The following PAMR1 variants were observed in gnomAD, a reference collection of about 807,000 sequenced individuals.
PAMR1 encodes peptidase domain containing associated with muscle regeneration 1, also known as inactive serine protease PAMR1.
PAMR1 carries 88 observed loss-of-function variants against 81.8 expected under a neutral mutation model. The observed-to-expected ratio is 1.08, with a 90% CI of 0.91 to 1.28. The LOEUF is 1.28. PAMR1 is among the 50% of genes most tolerant of loss of function. The pLI, the probability that PAMR1 is intolerant of heterozygous loss-of-function variation, is 0.00. For missense variants in PAMR1, 935 were observed against 919.7 expected, an observed-to-expected ratio of 1.02 and a Z score of -0.21; for synonymous variants, 336 against 345.3, an observed-to-expected ratio of 0.97 and a Z score of 0.30.
At chr11:35,473,168 A>G (rs1030841192) in intron 4 of PAMR1, among the ~76,000 whole-genome samples, 4 of 152,154 alleles carry the variant, frequency 2.6e-5, no homozygotes, top group Non-Finnish European at 5.9e-5. Context: ...CATCAGGGAC[A>G]CCTGCTGGGC....
chr11:35,443,404 C>G (rs1856220926), intron 6 of PAMR1, among the ~76,000 whole-genome samples: 1 of 152,142 alleles, frequency 6.6e-6, no homozygotes, highest in Non-Finnish European at 1.5e-5. Flanking sequence ...ATTCCCCTCC[C>G]TGTGTCCATG....
chr11:35,459,274 G>T (rs547417230), intron 6 of PAMR1, among the ~76,000 whole-genome samples: 1 of 152,208 alleles, frequency 6.6e-6, no homozygotes, highest in African/African-American at 2.4e-5. Context: ...GTGCCTAAGA[G>T]ACAGGTCAAC....
Position 35,439,646 on chromosome 11 carries a change from G to C in PAMR1, c.1081C>G (p.Pro361Ala), listed in dbSNP as rs1439382529. Residue 361 changes from proline to alanine, a missense_variant, in exon 8 of 11, where the codon CCG becomes GCG. Coordinates refer to ENST00000619888, the MANE Select transcript of PAMR1 (RefSeq NM_001001991.3). Reference sequence around the variant, plus strand: ...CCTCACCTTGACTGAACCTGCATCGGAAGAACTCTCCTTCTCACCAGGTCT... The same window carrying C: ...CCTCACCTTGACTGAACCTGCATCGCAAGAACTCTCCTTCTCACCAGGTCT... Reference protein sequence around the residue: ...ISDLVRRRVLPMQVQSRETPL... With the variant: ...ISDLVRRRVLAMQVQSRETPL... 1 of 1,613,878 alleles carries C rather than the reference G, an allele frequency of 6.2e-7. No homozygotes were observed. The highest frequency in any genetic ancestry group is 8.5e-7 in the Non-Finnish European group (1 of 1,179,852).
At chr11:35,437,745 C>A (rs1206625962) in intron 8 of PAMR1, among the ~76,000 whole-genome samples, 1 of 152,212 alleles carries the variant, frequency 6.6e-6, no homozygotes, top group Non-Finnish European at 1.5e-5. Flanking sequence ...AATAGGAAGC[C>A]CAGTAGTCTT....
chr11:35,436,799 A>C (rs1386967273), intron 8 of PAMR1, among the ~76,000 whole-genome samples: 1 of 152,242 alleles, frequency 6.6e-6, no homozygotes, highest in Non-Finnish European at 1.5e-5. Flanking sequence ...AACCAAAGAC[A>C]ATAATACCTG....
chr11:35,525,098 C>T (rs977685060), intron 1 of PAMR1, among the ~76,000 whole-genome samples: 1 of 152,142 alleles, frequency 6.6e-6, no homozygotes, highest in Non-Finnish European at 1.5e-5. Context: ...CTTTCTTTCC[C>T]TCTCTTCTTT....
chr11:35,479,844 T>C (rs1267514317), intron 3 of PAMR1, among the ~76,000 whole-genome samples: 2 of 152,344 alleles, frequency 1.3e-5, no homozygotes, highest in Admixed American at 1.3e-4. Context: ...TGTCTTCATC[T>C]GTCACATGGC....
At chr11:35,515,307 G>A (rs1302824145) in intron 1 of PAMR1, among the ~76,000 whole-genome samples, 6 of 152,288 alleles carry the variant, frequency 3.9e-5, no homozygotes, top group East Asian at 1.9e-4. Context: ...ATTCCCCTAT[G>A]TGAAGCAGAA....
chr11:35,494,954 T>G (rs957975037), intron 1 of PAMR1, among the ~76,000 whole-genome samples: 1 of 152,230 alleles, frequency 6.6e-6, no homozygotes, highest in Non-Finnish European at 1.5e-5. Flanking sequence ...CTATGCTTAT[T>G]TATATTTTTG....
intron 1 of PAMR1, among the ~76,000 whole-genome samples, chr11:35,523,678 G>A (rs1191040914): frequency 1.3e-5 from 2 of 152,238 alleles, no homozygotes; most frequent in Non-Finnish European, 2.9e-5. Context: ...CCAGCAGGGA[G>A]TGGACTTCCT....
intron 2 of PAMR1, among the ~76,000 whole-genome samples, chr11:35,492,706 G>A (rs953698606): frequency 2.6e-5 from 4 of 151,932 alleles, no homozygotes; most frequent in Non-Finnish European, 2.9e-5. Context: ...ATATACTTCC[G>A]TAATGAAAGC....
At chr11:35,474,489 C>T (rs1361163359) in intron 4 of PAMR1, 141 bp downstream of exon 4, 2 of 529,938 alleles carry the variant, frequency 3.8e-6, no homozygotes, top group Non-Finnish European at 6.6e-6. Flanking sequence ...TCAGCCAGGC[C>T]TTATCCCAGA....
chr11:35,518,493 GT>G (rs1440366273), intron 1 of PAMR1, among the ~76,000 whole-genome samples: 5 of 151,358 alleles, frequency 3.3e-5, no homozygotes, highest in African/African-American at 1.2e-4. Flanking sequence ...AGAGATCAGA[GT>G]TTTCCAAGCT....
At chr11:35,500,513 T>A (rs751442248) in intron 1 of PAMR1, among the ~76,000 whole-genome samples, 4 of 152,150 alleles carry the variant, frequency 2.6e-5, no homozygotes, top group African/African-American at 9.7e-5. Flanking sequence ...AAATACATAA[T>A]CATAAACCAC....
At chr11:35,440,715 AC>A (rs1856146996) in intron 7 of PAMR1, among the ~76,000 whole-genome samples, 1 of 152,160 alleles carries the variant, frequency 6.6e-6, no homozygotes, top group African/African-American at 2.4e-5. Context: ...ACAATATTCC[AC>A]TTTTCTGTCC....
intron 1 of PAMR1, among the ~76,000 whole-genome samples, chr11:35,497,011 C>CA (rs1030407542): frequency 5.3e-5 from 8 of 151,902 alleles, no homozygotes; most frequent in Non-Finnish European, 1.2e-4. Context: ...ACTAAAGATA[C>CA]AAAAAATTAG....
intron 3 of PAMR1, among the ~76,000 whole-genome samples, chr11:35,477,077 G>T (rs1161449777): frequency 6.6e-6 from 1 of 152,080 alleles, no homozygotes; most frequent in Non-Finnish European, 1.5e-5. Context: ...CTTCTTCAAA[G>T]AGGCCTTCCT....
intron 1 of PAMR1, among the ~76,000 whole-genome samples, chr11:35,501,356 C>T (rs1367586457): frequency 6.6e-6 from 1 of 151,936 alleles, no homozygotes; most frequent in African/African-American, 2.4e-5. Flanking sequence ...TGGTTTTGAA[C>T]TCCCGGGCTC....
intron 1 of PAMR1, among the ~76,000 whole-genome samples, chr11:35,518,421 C>T (rs115291405): frequency 0.011 from 1,743 of 151,820 alleles, 29 homozygotes; most frequent in African/African-American, 0.04. Context: ...CTTTCAAATT[C>T]CCTTCTTACC....
Sources: gnomAD v4.1 joint callset for allele counts (sites outside exome capture counted in the v4.1 genomes callset) on GRCh38, gnomAD v4.1.1 for gene constraint, MANE v1.5 for transcripts, NCBI Gene and HGNC (gene_info 2026-07-23, HGNC 2026-07-21) for gene names.